The following DOK6 variants were observed in gnomAD, a reference collection of about 807,000 sequenced individuals.
The protein encoded by DOK6 is docking protein 6.
A neutral mutation model predicts 44.0 loss-of-function variants in DOK6; 22 were observed. The observed-to-expected ratio is 0.50, with a 90% CI of 0.36 to 0.71. DOK6 has a LOEUF of 0.71. Among genes scored for constraint, DOK6 ranks in the 30% least tolerant of loss-of-function variants. DOK6 has a pLI of 0.00. For synonymous variants in DOK6, 166 were observed against 145.5 expected (o/e 1.14, Z -1.01); for missense variants, 340 against 416.4 (o/e 0.82, Z 1.60).
intron 1 of DOK6, among the ~76,000 whole-genome samples, chr18:69,443,813 TG>T (rs1011556502): frequency 5.3e-5 from 8 of 152,154 alleles, no homozygotes; most frequent in African/African-American, 1.7e-4. Flanking sequence ...TCCTGCGTTT[TG>T]CTAGGATAGA....
At chr18:69,489,345 G>C (rs1980671701) in intron 1 of DOK6, among the ~76,000 whole-genome samples, 1 of 152,158 alleles carries the variant, frequency 6.6e-6, no homozygotes, top group African/African-American at 2.4e-5. Flanking sequence ...CCACTTCCAA[G>C]TACTGAAGGT....
chr18:69,730,312 A>G (rs1008255346), intron 5 of DOK6, among the ~76,000 whole-genome samples: 23 of 152,232 alleles, frequency 1.5e-4, no homozygotes, highest in African/African-American at 5.3e-4. Flanking sequence ...GGATAAGTCT[A>G]GTTGGGAAAA....
chr18:69,688,477 G>C (rs990282989), intron 4 of DOK6, among the ~76,000 whole-genome samples: 2 of 152,138 alleles, frequency 1.3e-5, no homozygotes, highest in African/African-American at 4.8e-5. Context: ...GAGATCCAGG[G>C]AACAGAACAG....
rs546841731 is a variant in DOK6 at position 69,774,588 on chromosome 18, A to G, written c.856+16715A>G. 4.8e-4 allele frequency among the ~76,000 whole-genome samples: 73 copies of G among 152,152 alleles called. No individual in the cohort carries two copies. In the South Asian group the frequency reaches 0.014, roughly 29 times the overall value. On this transcript the variant is annotated intron_variant, in intron 7 of 7. Coordinates refer to ENST00000382713, the MANE Select transcript of DOK6 (RefSeq NM_152721.6). ...CAGTTAAATTAATTTAACATTAAAA[A>G]CTGAATTGTGAAAGTGGTAACTTAG...
intron 7 of DOK6, among the ~76,000 whole-genome samples, chr18:69,782,251 AC>A (rs1568124981): frequency 3.6e-5 from 5 of 137,694 alleles, no homozygotes; most frequent in African/African-American, 1.4e-4. Flanking sequence ...TCGCTCTGTC[AC>A]CCAGGCTGGA....
intron 1 of DOK6, among the ~76,000 whole-genome samples, chr18:69,430,732 C>G (rs1978782215): frequency 6.6e-6 from 1 of 152,062 alleles, no homozygotes; most frequent in African/African-American, 2.4e-5. Context: ...TTTGGAAGGC[C>G]GAGGCTGGTG....
Position 69,431,276 on chromosome 18 carries a change from T to A in DOK6, c.66+29966T>A, listed in dbSNP as rs1455384878. ...TGCAGTGTAAACTGAGAGTCCTTTT[T>A]CCTTGGAAACTACAGAGTTGAGATA... On this transcript the variant is annotated intron_variant, in intron 1 of 7. Coordinates refer to ENST00000382713, the MANE Select transcript of DOK6 (RefSeq NM_152721.6). Among the ~76,000 whole-genome samples the A allele has an allele frequency of 5.9e-5, 9 of 152,332 alleles. 1 individual carries two copies. The East Asian group carries it at 1.7e-3, about 29-fold the overall frequency.
intron 4 of DOK6, among the ~76,000 whole-genome samples, chr18:69,688,537 G>C (rs1005628622): frequency 6.6e-6 from 1 of 152,202 alleles, no homozygotes; most frequent in Non-Finnish European, 1.5e-5. Flanking sequence ...TGTTGCTGCT[G>C]TTTGAGTCAG....
chr18:69,637,594 G>A (rs527364192), intron 3 of DOK6, among the ~76,000 whole-genome samples: 1 of 152,242 alleles, frequency 6.6e-6, no homozygotes, highest in East Asian at 1.9e-4. Flanking sequence ...GAATTTTGGA[G>A]TTGAAAAGGA....
chr18:69,699,076 G>A (rs1986454712), intron 5 of DOK6, among the ~76,000 whole-genome samples: 1 of 151,886 alleles, frequency 6.6e-6, no homozygotes, highest in Admixed American at 6.6e-5. Flanking sequence ...GCATATGGTT[G>A]GAATCCATAA....
intron 1 of DOK6, among the ~76,000 whole-genome samples, chr18:69,446,339 G>A (rs1340041527): frequency 6.6e-6 from 1 of 151,610 alleles, no homozygotes; most frequent in African/African-American, 2.4e-5. Flanking sequence ...AGTTTGCTGA[G>A]AATGATGGTT....
At chr18:69,569,884 C>A (rs1983072920) in intron 2 of DOK6, among the ~76,000 whole-genome samples, 1 of 151,982 alleles carries the variant, frequency 6.6e-6, no homozygotes, top group Admixed American at 6.6e-5. Flanking sequence ...AGAACAAGAT[C>A]ATGTATAACA....
intron 7 of DOK6, among the ~76,000 whole-genome samples, chr18:69,795,698 C>A (rs764349022): frequency 1.3e-5 from 2 of 152,124 alleles, no homozygotes; most frequent in Non-Finnish European, 2.9e-5. Flanking sequence ...ATGATACACA[C>A]TGATTGATTT....
chr18:69,611,809 A>G (rs1984146314), intron 3 of DOK6, among the ~76,000 whole-genome samples: 1 of 152,182 alleles, frequency 6.6e-6, no homozygotes, highest in Non-Finnish European at 1.5e-5. Context: ...AGTTGCCAAA[A>G]GTTAGGAATG....
intron 7 of DOK6, among the ~76,000 whole-genome samples, chr18:69,828,655 A>G (rs1390053675): frequency 1.3e-5 from 2 of 151,388 alleles, no homozygotes; most frequent in Non-Finnish European, 1.5e-5. Flanking sequence ...ACTACATTAT[A>G]TTCACTATAT....
Position 69,842,918 on chromosome 18 carries a change from T to A in DOK6, c.*1535T>A, listed in dbSNP as rs1047287590. On this transcript the variant is annotated 3_prime_UTR_variant, in exon 8 of 8. Coordinates refer to ENST00000382713, the MANE Select transcript of DOK6 (RefSeq NM_152721.6). ...GGTTTTTTTTTTCTTAATAGGAAAA[T>A]TTTTTAAACTATCCAAATTAGTCTG... 2.7e-4 allele frequency: 41 copies of A among 152,014 alleles called. No individual in the cohort carries two copies. The highest frequency in any genetic ancestry group is 8.4e-4 in the African/African-American group (35 of 41,478). 9.4% of individuals were successfully genotyped at this position (152,014 alleles called of 1,614,324 possible).
intron 6 of DOK6, among the ~76,000 whole-genome samples, chr18:69,746,242 A>G (rs1978980738): frequency 6.6e-6 from 1 of 152,170 alleles, no homozygotes; most frequent in Non-Finnish European, 1.5e-5. Context: ...ATTTTGGTCC[A>G]TACATGATTT....
At chr18:69,539,364 A>T (rs1445320421) in intron 1 of DOK6, among the ~76,000 whole-genome samples, 1 of 150,770 alleles carries the variant, frequency 6.6e-6, no homozygotes, top group Non-Finnish European at 1.5e-5. Flanking sequence ...GTGGAAACTT[A>T]TTTTTCTTAA....
At chr18:69,531,874 C>A (rs74258305) in intron 1 of DOK6, among the ~76,000 whole-genome samples, 4,570 of 152,164 alleles carry the variant, frequency 0.03, 83 homozygotes, top group Middle Eastern at 0.048. Flanking sequence ...TATTCCCCAC[C>A]GCCATTTGTT....
Sources: allele counts gnomAD v4.1 joint callset (sites outside exome capture counted in the v4.1 genomes callset), GRCh38; gene constraint gnomAD v4.1.1; transcripts MANE v1.5; gene names NCBI Gene and HGNC (gene_info 2026-07-23, HGNC 2026-07-21).